Variants in ARL10 observed in about 807,000 individuals in gnomAD.
The protein encoded by ARL10 is ADP-ribosylation factor-like protein 10.
In ARL10, 23 loss-of-function variants were observed where a neutral mutation model predicts 26.1. The ratio of observed to expected loss-of-function variants is 0.88; its 90% confidence interval spans 0.63 to 1.25. The LOEUF (loss-of-function observed/expected upper bound fraction) is 1.25. Among genes scored for constraint, ARL10 ranks in the 50% most tolerant of loss-of-function variants. The pLI is 0.00. For missense variants in ARL10, 300 were observed against 323.6 expected (o/e 0.93, Z 0.56); for synonymous variants, 138 against 149.1 (o/e 0.93, Z 0.54).
At chr5:176,386,549 G>A, downstream of ARL10, 1 of 465,538 alleles carries the variant, frequency 2.1e-6, no homozygotes, top group Non-Finnish European at 4.0e-6. Flanking sequence ...TTCATGAGAA[G>A]CCATACCCAT....
At position 176,371,959 on chromosome 5, in the gene ARL10, G is replaced by C; in HGVS notation, c.*64G>C. On this transcript the variant is annotated 3_prime_UTR_variant, in exon 4 of 4. Transcript: ENST00000310389. Reference sequence around the variant, plus strand: ...ATAGTTGTACTGCTGCTGCTTCATTGCCAGACTGGGCCTGGGGCAAGAGCC... The same window carrying C: ...ATAGTTGTACTGCTGCTGCTTCATTCCCAGACTGGGCCTGGGGCAAGAGCC... 6.4e-7 allele frequency: 1 copy of C among 1,556,428 alleles called. No homozygotes were observed. The highest frequency in any genetic ancestry group is 1.4e-5 in the African/African-American group (1 of 73,298).
At chr5:176,402,799 T>C (rs1395536829), downstream of ARL10, among the ~76,000 whole-genome samples, 1 of 151,980 alleles carries the variant, frequency 6.6e-6, no homozygotes, top group African/African-American at 2.4e-5. Flanking sequence ...TGGAACACAG[T>C]TCAGATAAAG....
At chr5:176,385,203 G>A (rs370500348), downstream of ARL10, 33 of 1,484,750 alleles carry the variant, frequency 2.2e-5, 1 homozygote, top group South Asian at 1.6e-4. Flanking sequence ...GCCAGCCCAC[G>A]GGGCCTGAGC....
chr5:176,409,508 G>T, the ARL10 span, among the ~76,000 whole-genome samples: 1 of 149,274 alleles, frequency 6.7e-6, no homozygotes, highest in Non-Finnish European at 1.5e-5. Flanking sequence ...CCACCTTCTG[G>T]GTTCAAGTGA....
intron 3 of ARL10, chr5:176,369,241 T>G (rs149733178): frequency 3.4e-5 from 45 of 1,304,886 alleles, no homozygotes; most frequent in Admixed American, 1.5e-4. Flanking sequence ...TTTGTTTTTG[T>G]TTTTTTTTTG....
chr5:176,397,749 T>C, intron 1 of ARL10: 1 of 1,596,168 alleles, frequency 6.3e-7, no homozygotes, highest in Non-Finnish European at 8.6e-7. Flanking sequence ...GAGTGGCTGC[T>C]TTCCAGCTGG....
chr5:176,390,704 C>A (rs2113611896), downstream of ARL10, among the ~76,000 whole-genome samples: 2 of 152,300 alleles, frequency 1.3e-5, no homozygotes, highest in South Asian at 4.1e-4. Context: ...ACCTCGGCCT[C>A]CCAAAGTGCT....
rs894865695 is a variant in ARL10 at position 176,378,010 on chromosome 5, G to A, written c.*6115G>A. The A allele has an allele frequency of 2.0e-5, 3 of 152,256 alleles. No homozygotes were observed. The highest frequency in any genetic ancestry group is 4.4e-5 in the Non-Finnish European group (3 of 68,076). The allele number at this position is 152,256 out of a possible 1,614,324, so 9.4% of individuals were successfully genotyped here. ...CTCCTGGGCTCAAGCTGTCAGTCCA[G>A]CTCAGCTTCCCAAAGTGCTGGGGTT... On this transcript the variant is annotated 3_prime_UTR_variant, in exon 4 of 4. Coordinates refer to ENST00000310389, the MANE Select transcript of ARL10 (RefSeq NM_173664.6).
At chr5:176,386,542 A>T (rs1404482258), downstream of ARL10, 1 of 446,536 alleles carries the variant, frequency 2.2e-6, no homozygotes, top group African/African-American at 2.0e-5. Flanking sequence ...CCTTAAATTC[A>T]TGAGAAGCCA....
chr5:176,365,883 GCACAGGC>G (rs879716329), intron 1 of ARL10, 137 bp downstream of exon 1: 157 of 970,360 alleles, frequency 1.6e-4, no homozygotes, highest in Admixed American at 9.4e-4. Context: ...CAGCCGCAGC[GCACAGGC>G]CCCGCGCGGG....
downstream of ARL10, chr5:176,392,387 T>G: frequency 5.7e-6 from 1 of 174,820 alleles, no homozygotes; most frequent in Non-Finnish European, 1.2e-5. This position sits in a 1 kb window ranked among gnomAD's most constrained non-coding sequence, Gnocchi z 5.2. Context: ...TGGGGGAACA[T>G]TCTCCCTTCT....
At chr5:176,387,839 C>A (rs1756007335) in intron 1 of ARL10, among the ~76,000 whole-genome samples, 1 of 152,116 alleles carries the variant, frequency 6.6e-6, no homozygotes, top group Admixed American at 6.5e-5. Flanking sequence ...AAGGAGACTG[C>A]AGTCAGGGAA....
downstream of ARL10, among the ~76,000 whole-genome samples, chr5:176,403,964 T>C (rs1409629746): frequency 6.6e-6 from 1 of 151,648 alleles, no homozygotes; most frequent in East Asian, 2.0e-4. Context: ...TTCATCATGT[T>C]GTCCAGGCTG....
chr5:176,406,012 G>A, downstream of ARL10: 1 of 343,696 alleles, frequency 2.9e-6, no homozygotes, highest in Non-Finnish European at 4.1e-6. Context: ...AGAGCACAGT[G>A]GTGCTGCTGG....
chr5:176,400,191 CTA>C (rs1756747797), intron 1 of ARL10, among the ~76,000 whole-genome samples: 1 of 147,778 alleles, frequency 6.8e-6, no homozygotes, highest in Non-Finnish European at 1.5e-5. Context: ...AAGTGAGACT[CTA>C]TCTCAAAAAA....
chr5:176,392,999 G>C, downstream of ARL10: 1 of 1,603,962 alleles, frequency 6.2e-7, no homozygotes, highest in Non-Finnish European at 8.5e-7. This position sits in a 1 kb window ranked among gnomAD's most constrained non-coding sequence, Gnocchi z 5.2. Flanking sequence ...CCCCAGCCTT[G>C]CCCTTGAGCA....
At position 176,368,663 on chromosome 5, in the gene ARL10, G is replaced by C; in HGVS notation, c.386-144G>C. 2 of 632,736 alleles carry C rather than the reference G, an allele frequency of 3.2e-6. No homozygotes were observed. The highest frequency in any genetic ancestry group is 2.7e-6 in the Non-Finnish European group (1 of 376,224). 39.2% of individuals were successfully genotyped at this position (632,736 alleles called of 1,614,324 possible). ...AAGCTCACTAAGCTAGAAGCAGGGT[G>C]GGGTGGGGGCTGTGGGCAGTGAGCG... On this transcript the variant is annotated intron_variant, in intron 2 of 3. Transcript: ENST00000310389. This position sits in a 1 kb window ranked among gnomAD's most constrained non-coding sequence, Gnocchi z 4.1.
chr5:176,384,364 C>T (rs751991573), downstream of ARL10: 12 of 1,612,668 alleles, frequency 7.4e-6, no homozygotes, highest in Admixed American at 1.7e-5. Flanking sequence ...CTTCTCATCA[C>T]GGGCCATGGC....
rs932040928 is a variant in ARL10 at position 176,378,928 on chromosome 5, G to A, written c.*7033G>A. ...AAAAAAAAAATTTCAAATGATGTTG[G>A]TCTACTTGCTGAAAAATGCTGGGTT... On this transcript the variant is annotated 3_prime_UTR_variant, in exon 4 of 4. Coordinates refer to ENST00000310389, the MANE Select transcript of ARL10 (RefSeq NM_173664.6). 1 of 151,536 alleles carries A rather than the reference G, an allele frequency of 6.6e-6. No homozygotes were observed. The highest frequency in any genetic ancestry group is 1.5e-5 in the Non-Finnish European group (1 of 67,918). The allele number at this position is 151,536 out of a possible 1,614,324, so 9.4% of individuals were successfully genotyped here. A position where few individuals can be genotyped will look rare whatever the true frequency, so the allele number is the denominator to read the frequency against.
Sources: gnomAD v4.1 joint callset for allele counts (sites outside exome capture counted in the v4.1 genomes callset) on GRCh38, gnomAD v4.1.1 for gene constraint, Gnocchi (gnomAD v3.1) non-coding constraint, MANE v1.5 for transcripts, NCBI Gene and HGNC (gene_info 2026-07-23, HGNC 2026-07-21) for gene names.